KCNG3: variants seen among roughly 807,000 people sequenced by gnomAD.
KCNG3 encodes the protein voltage-gated potassium channel regulatory subunit KCNG3.
KCNG3 carries 15 observed loss-of-function variants against 29.0 expected under a neutral mutation model. The ratio of observed to expected loss-of-function variants is 0.52; its 90% CI spans 0.35 to 0.80. The LOEUF (loss-of-function observed/expected upper bound fraction) is 0.80. KCNG3 is among the 30% of genes least tolerant of loss of function. The pLI is 0.01. For synonymous variants in KCNG3, 322 were observed against 248.9 expected, an observed-to-expected ratio of 1.29 and a Z score of -2.76; for missense variants, 512 against 605.7, an observed-to-expected ratio of 0.85 and a Z score of 1.62.
chr2:42,403,878 G>T, the KCNG3 span, among the ~76,000 whole-genome samples: 6 of 152,204 alleles, frequency 3.9e-5, no homozygotes, highest in Non-Finnish European at 5.9e-5. Context: ...TGGGATTACG[G>T]GCATGAGCTA....
At chr2:42,429,783 A>G in the KCNG3 span, among the ~76,000 whole-genome samples, 1 of 152,178 alleles carries the variant, frequency 6.6e-6, no homozygotes, top group Non-Finnish European at 1.5e-5. Flanking sequence ...CTGAAGCTGG[A>G]AAGTATGAAG....
At chr2:42,439,775 TA>T (rs1487028196), downstream of KCNG3, among the ~76,000 whole-genome samples, 3 of 151,544 alleles carry the variant, frequency 2.0e-5, no homozygotes, top group Non-Finnish European at 4.4e-5. Context: ...GCCTCCCAAG[TA>T]GCTGGGATTA....
intron 1 of KCNG3, among the ~76,000 whole-genome samples, chr2:42,475,950 C>G (rs1050968246): frequency 3.9e-5 from 6 of 152,072 alleles, no homozygotes; most frequent in Non-Finnish European, 7.4e-5. Flanking sequence ...CCTGTAATCC[C>G]AGCTACTCGG....
At chr2:42,479,732 C>T (rs1673534538) in intron 1 of KCNG3, among the ~76,000 whole-genome samples, 1 of 151,874 alleles carries the variant, frequency 6.6e-6, no homozygotes, top group Non-Finnish European at 1.5e-5. Context: ...ACAAATCAGG[C>T]AGGCGGGGTG....
At chr2:42,461,440 C>G (rs1673015270) in intron 1 of KCNG3, among the ~76,000 whole-genome samples, 1 of 152,044 alleles carries the variant, frequency 6.6e-6, no homozygotes, top group Non-Finnish European at 1.5e-5. Flanking sequence ...CTTCTCTTCA[C>G]CAGAGCCAGG....
At chr2:42,475,623 C>A (rs1260429090) in intron 1 of KCNG3, among the ~76,000 whole-genome samples, 1 of 150,482 alleles carries the variant, frequency 6.6e-6, no homozygotes, top group African/African-American at 2.4e-5. Flanking sequence ...AGCTGCTGCG[C>A]CCGGTCTGAG....
the KCNG3 span, among the ~76,000 whole-genome samples, chr2:42,428,257 C>A: frequency 6.6e-6 from 1 of 150,882 alleles, no homozygotes; most frequent in African/African-American, 2.4e-5. Flanking sequence ...GTCAGGACTT[C>A]GAGACCAGCC....
At chr2:42,490,246 T>C (rs960463241) in intron 1 of KCNG3, among the ~76,000 whole-genome samples, 1 of 152,112 alleles carries the variant, frequency 6.6e-6, no homozygotes, top group East Asian at 1.9e-4. Context: ...AGGGCACATA[T>C]GGTTGTACAG....
At chr2:42,410,041 C>T in the KCNG3 span, among the ~76,000 whole-genome samples, 1 of 152,138 alleles carries the variant, frequency 6.6e-6, no homozygotes, top group African/African-American at 2.4e-5. Context: ...ACCCCCTTCC[C>T]ACACAAAAGG....
At chr2:42,470,121 G>C in intron 1 of KCNG3, 1 of 450,496 alleles carries the variant, frequency 2.2e-6, no homozygotes, top group South Asian at 3.0e-5. Context: ...CATCTTGAGA[G>C]GAATAGAAAG....
the KCNG3 span, among the ~76,000 whole-genome samples, chr2:42,415,059 C>T: frequency 3.3e-5 from 5 of 152,288 alleles, no homozygotes; most frequent in East Asian, 9.7e-4. Context: ...GGCTGAACCT[C>T]CTCAAACACT....
chr2:42,399,125 C>A, the KCNG3 span, among the ~76,000 whole-genome samples: 1 of 143,696 alleles, frequency 7.0e-6, no homozygotes, highest in Admixed American at 7.2e-5. Flanking sequence ...GACTGCATCA[C>A]AGCTCACTGC....
At chr2:42,416,961 A>T in the KCNG3 span, among the ~76,000 whole-genome samples, 1 of 149,894 alleles carries the variant, frequency 6.7e-6, no homozygotes, top group Admixed American at 6.6e-5. Flanking sequence ...ATAAAAACAT[A>T]AATTCGTCCT....
At chr2:42,461,182 C>CAAAAAAAAAAAAA (rs34199989) in intron 1 of KCNG3, among the ~76,000 whole-genome samples, 55 of 56,414 alleles carry the variant, frequency 9.7e-4, no homozygotes, top group East Asian at 2.1e-3. Flanking sequence ...CAAAACAAAA[C>CAAAAAAAAAAAAA]AAAAAAAAAA....
At chr2:42,455,237 G>A (rs1271196062) in intron 1 of KCNG3, among the ~76,000 whole-genome samples, 1 of 152,116 alleles carries the variant, frequency 6.6e-6, no homozygotes, top group African/African-American at 2.4e-5. Context: ...AAGTACTAGA[G>A]GCTACAGGTG....
the KCNG3 span, among the ~76,000 whole-genome samples, chr2:42,430,574 G>C: frequency 6.6e-6 from 1 of 151,172 alleles, no homozygotes; most frequent in Non-Finnish European, 1.5e-5. Flanking sequence ...AACATAGTTA[G>C]CCCTTGTCTG....
chr2:42,437,564 G>C (rs529607635), downstream of KCNG3, among the ~76,000 whole-genome samples: 251 of 152,264 alleles, frequency 1.6e-3, 1 homozygote, highest in African/African-American at 5.8e-3. Context: ...TTACTTCAGA[G>C]TGTATAGTAT....
chr2:42,393,781 TC>T, the KCNG3 span, among the ~76,000 whole-genome samples: 10 of 151,540 alleles, frequency 6.6e-5, no homozygotes, highest in Admixed American at 3.3e-4. Context: ...TGAGTAAACT[TC>T]CCCCTTTTTT....
the KCNG3 span, among the ~76,000 whole-genome samples, chr2:42,390,541 G>A: frequency 7.1e-4 from 108 of 152,320 alleles, no homozygotes; most frequent in African/African-American, 2.4e-3. Flanking sequence ...ACGAAGGAGT[G>A]AGAAATGATA....
Sources: allele counts gnomAD v4.1 joint callset (sites outside exome capture counted in the v4.1 genomes callset), GRCh38; gene constraint gnomAD v4.1.1; transcripts MANE v1.5; gene names NCBI Gene and HGNC (gene_info 2026-07-23, HGNC 2026-07-21).